The following SRF variants were observed in gnomAD, a reference collection of about 807,000 sequenced individuals.
SRF encodes the protein serum response factor.
SRF carries 7 observed loss-of-function variants against 37.1 expected under a neutral mutation model. That is an observed-to-expected ratio of 0.19 (90% CI 0.11 to 0.35). The LOEUF (loss-of-function observed/expected upper bound fraction) is 0.35. SRF is among the 10% of genes least tolerant of loss of function. SRF has a pLI of 1.00. For synonymous variants in SRF, 285 were observed against 310.1 expected (o/e 0.92, Z 0.85); for missense variants, 395 against 694.4 (o/e 0.57, Z 4.85).
intron 2 of SRF, among the ~76,000 whole-genome samples, chr6:43,174,741 G>A (rs1344883000): frequency 2.6e-5 from 4 of 152,190 alleles, no homozygotes; most frequent in African/African-American, 9.7e-5. Flanking sequence ...GGGAGGAAGC[G>A]GCACTGTTTG....
Position 43,171,392 on chromosome 6 carries a change from C to T in SRF, c.-265C>T, listed in dbSNP as rs1772091382. On this transcript the variant is annotated 5_prime_UTR_variant, in exon 1 of 7. Transcript: ENST00000265354. This position sits in a 1 kb window ranked among gnomAD's most constrained non-coding sequence, Gnocchi z 6.5. ...AGCAGCCCCTGCCCCCCGGGGGACG[C>T]TGACGGCCGCCCGGCGCGCCGCCCT... 8.6e-6 allele frequency: 2 copies of T among 233,470 alleles called. No homozygotes were observed. Among genetic ancestry groups the T allele is most frequent in the East Asian group, 9.4e-5 (1 of 10,636 alleles). The allele number at this position is 233,470 out of a possible 1,614,324, so 14.5% of individuals were successfully genotyped here.
In SRF at chr6:43,173,758, A is replaced by G. The variant is rs1772148754; in HGVS notation, c.514-89A>G. 2.0e-6 allele frequency: 3 copies of G among 1,498,914 alleles called. No individual in the cohort carries two copies. Among genetic ancestry groups the G allele is most frequent in the Admixed American group, 2.0e-5 (1 of 51,224 alleles). 92.9% of individuals were successfully genotyped at this position (1,498,914 alleles called of 1,614,324 possible). ...AGGTCATTATGGGAATGGGGGAATG[A>G]CATCACTGTATAATTCTTTTTCCAA... On this transcript the variant is annotated intron_variant, in intron 1 of 6. Transcript: ENST00000265354. This position sits in a 1 kb window ranked among gnomAD's most constrained non-coding sequence, Gnocchi z 4.2.
In SRF at chr6:43,180,726, AG is replaced by A. The variant is rs1161250990; in HGVS notation, c.*1537del. ...CTATATCCAGAAGGGGAGCTTTTTC[AG>A]AAACAGGGCAGCAGTGGGGTGAAAT... is the stretch of plus-strand genomic sequence containing the variant. On this transcript the variant is annotated 3_prime_UTR_variant, in exon 7 of 7. Coordinates refer to ENST00000265354, the MANE Select transcript of SRF (RefSeq NM_003131.4). 1 of 152,494 alleles carries A rather than the reference AG, an allele frequency of 6.6e-6. No homozygotes were observed. The highest frequency in any genetic ancestry group is 2.4e-5 in the African/African-American group (1 of 41,440). 9.4% of individuals were successfully genotyped at this position (152,494 alleles called of 1,614,324 possible).
In SRF at chr6:43,173,015, A is replaced by G. The variant is rs1772137837; in HGVS notation, c.514-832A>G. 1.3e-5 allele frequency among the ~76,000 whole-genome samples: 2 copies of G among 152,198 alleles called. No individual in the cohort carries two copies. Among genetic ancestry groups the G allele is most frequent in the Non-Finnish European group, 1.5e-5 (1 of 68,038 alleles). Reference sequence around the variant, plus strand: ...ATGAAAGCAGAGGAACTGGGAGACAAGGAGCTGGATCCTTGGGAACACTGG... The same window carrying G: ...ATGAAAGCAGAGGAACTGGGAGACAGGGAGCTGGATCCTTGGGAACACTGG... On this transcript the variant is annotated intron_variant, in intron 1 of 6. Coordinates refer to ENST00000265354, the MANE Select transcript of SRF (RefSeq NM_003131.4). This position sits in a 1 kb window ranked among gnomAD's most constrained non-coding sequence, Gnocchi z 4.2.
In SRF at chr6:43,178,534, T is replaced by TACACAC. The variant is rs112596376; in HGVS notation, c.1354+63_1354+68dup. 4.1e-3 allele frequency: 6,217 copies of TACACAC among 1,506,888 alleles called. 149 individuals are homozygous for TACACAC. In the African/African-American group the frequency reaches 0.073, roughly 18 times the overall value. 93.3% of individuals were successfully genotyped at this position (1,506,888 alleles called of 1,614,324 possible). ...GAAAGGAGGACCGTTTCCTTCTTTA[T>TACACAC]ACACACACACACACACACATACACA... On this transcript the variant is annotated intron_variant, in intron 5 of 6. Coordinates refer to ENST00000265354, the MANE Select transcript of SRF (RefSeq NM_003131.4). This position sits in a 1 kb window ranked among gnomAD's most constrained non-coding sequence, Gnocchi z 4.3.
In SRF at chr6:43,179,422, C is replaced by T. The variant is rs1020316462; in HGVS notation, c.*232C>T. The T allele has an allele frequency of 1.8e-6, 1 of 570,298 alleles. No individual in the cohort carries two copies. Among genetic ancestry groups the T allele is most frequent in the Non-Finnish European group, 3.2e-6 (1 of 317,336 alleles). 35.3% of individuals were successfully genotyped at this position (570,298 alleles called of 1,614,324 possible). The stretch of plus-strand genomic sequence containing the variant: ...CCCGCCCCACCTCCCATTTCTGTTG[C>T]TGGAGGGGCTGTCCTCCTTCCTGGG... On this transcript the variant is annotated 3_prime_UTR_variant, in exon 7 of 7. Transcript: ENST00000265354. The surrounding 1 kb of genome is among the most constrained non-coding windows in gnomAD (Gnocchi z 5.3).
rs970428621 is a variant in SRF at position 43,171,297 on chromosome 6, A to C, written c.-360A>C. 1 of 160,674 alleles carries C rather than the reference A, an allele frequency of 6.2e-6. No individual in the cohort carries two copies. The highest frequency in any genetic ancestry group is 1.4e-5 in the Non-Finnish European group (1 of 73,606). The allele number at this position is 160,674 out of a possible 1,614,324, so 10.0% of individuals were successfully genotyped here. On this transcript the variant is annotated 5_prime_UTR_variant, in exon 1 of 7. Transcript: ENST00000265354. This position sits in a 1 kb window ranked among gnomAD's most constrained non-coding sequence, Gnocchi z 6.5. ...CATTGTATCTCTTTATATGGGGGGA[A>C]GGGTCGGGGGATCCCTCCGCCGCCA...
Position 43,172,198 on chromosome 6 carries a change from G to A in SRF, c.513+29G>A, listed in dbSNP as rs780476860. Reference sequence around the variant, plus strand: ...CCAAGCCGGGGGGCTGGCCGGCCCCGGGGCCCGGTTGGGGTGGGGATGTGC... The same window carrying A: ...CCAAGCCGGGGGGCTGGCCGGCCCCAGGGCCCGGTTGGGGTGGGGATGTGC... On this transcript the variant is annotated intron_variant, in intron 1 of 6. Transcript: ENST00000265354. The surrounding 1 kb of genome is among the most constrained non-coding windows in gnomAD (Gnocchi z 5.7). The A allele has an allele frequency of 1.9e-6, 3 of 1,597,356 alleles. No individual in the cohort carries two copies. Among genetic ancestry groups the A allele is most frequent in the Non-Finnish European group, 2.6e-6 (3 of 1,176,028 alleles).
Position 43,172,256 on chromosome 6 carries a change from C to T in SRF, c.513+87C>T. 6.8e-7 allele frequency: 1 copy of T among 1,474,582 alleles called. No homozygotes were observed. The highest frequency in any genetic ancestry group is 2.1e-5 in the Admixed American group (1 of 46,542). The allele number at this position is 1,474,582 out of a possible 1,614,324, so 91.3% of individuals were successfully genotyped here. ...GCCCGGGAGGACCGCAGAGCCGAGG[C>T]GGAGGTGAGAGGCTGCGAGTCCGCA... On this transcript the variant is annotated intron_variant, in intron 1 of 6. Transcript: ENST00000265354. The surrounding 1 kb of genome is among the most constrained non-coding windows in gnomAD (Gnocchi z 5.7).
chr6:43,174,213 A>G, intron 2 of SRF, 100 bp downstream of exon 2: 1 of 1,458,364 alleles, frequency 6.9e-7, no homozygotes, highest in Non-Finnish European at 9.3e-7. Context: ...TGTGGAGTGG[A>G]GCCGGATTAA....
chr6:43,181,498 G>A lies in SRF; in HGVS notation c.*2308G>A, dbSNP rs1308385083. Reference sequence around the variant, plus strand: ...CTCTTTCAATAAATGTATCATTTTTGTGCACAGACTGTGGGGTCTTTGGTT... The same window carrying A: ...CTCTTTCAATAAATGTATCATTTTTATGCACAGACTGTGGGGTCTTTGGTT... On this transcript the variant is annotated 3_prime_UTR_variant, in exon 7 of 7. Transcript: ENST00000265354. 1 of 152,430 alleles carries A rather than the reference G, an allele frequency of 6.6e-6. No individual in the cohort carries two copies. Among genetic ancestry groups the A allele is most frequent in the African/African-American group, 2.4e-5 (1 of 41,368 alleles). 9.4% of individuals were successfully genotyped at this position (152,430 alleles called of 1,614,324 possible).
rs753225736 is a variant in SRF, at chr6:43,175,720, G to A, written c.795G>A (p.Pro265=). The change falls in exon 3 of 7, where the codon CCG becomes CCA. Residue 265 remains proline (P), a synonymous_variant. Coordinates refer to ENST00000265354, the MANE Select transcript of SRF (RefSeq NM_003131.4). ...TCTGGGTATAGGACACACTGAAGCC[G>A]GCGTTCACAGTCACCAACCTGCCGG... The part of the protein sequence containing the change: ...SSGETKDTLK[P]AFTVTNLPGT... 17 of 1,614,012 alleles carry A rather than the reference G, an allele frequency of 1.1e-5. No individual in the cohort carries two copies. The highest frequency in any genetic ancestry group is 8.0e-5 in the African/African-American group (6 of 74,896).
chr6:43,171,514 C>A lies in SRF; in HGVS notation c.-143C>A, dbSNP rs1057474299. 1.0e-6 allele frequency: 1 copy of A among 972,944 alleles called. No individual in the cohort carries two copies. Among genetic ancestry groups the A allele is most frequent in the African/African-American group, 1.7e-5 (1 of 57,868 alleles). The allele number at this position is 972,944 out of a possible 1,614,324, so 60.3% of individuals were successfully genotyped here. On this transcript the variant is annotated 5_prime_UTR_variant, in exon 1 of 7. Transcript: ENST00000265354. This position sits in a 1 kb window ranked among gnomAD's most constrained non-coding sequence, Gnocchi z 6.5. ...AGGTCGGCCCGGGCGTGCAGGGGCC[C>A]CGGGTTCGCAGCGGCGGCCGCGGCA...
In SRF at chr6:43,172,652, G is replaced by C. The variant is rs941142575; in HGVS notation, c.513+483G>C. Among the ~76,000 whole-genome samples the C allele has an allele frequency of 1.3e-5, 2 of 152,338 alleles. No individual in the cohort carries two copies. The highest frequency in any genetic ancestry group is 4.8e-5 in the African/African-American group (2 of 41,568). ...GTGTGGGAGGAAGTGGGCACCACGA[G>C]AGTAGTGCTGGTTGGAAGGACAGGC... On this transcript the variant is annotated intron_variant, in intron 1 of 6. Transcript: ENST00000265354. This position sits in a 1 kb window ranked among gnomAD's most constrained non-coding sequence, Gnocchi z 5.7.
intron 2 of SRF, among the ~76,000 whole-genome samples, chr6:43,174,832 T>A (rs1426577302): frequency 6.6e-6 from 1 of 152,208 alleles, no homozygotes; most frequent in Non-Finnish European, 1.5e-5. Context: ...CCCGCAGCCT[T>A]TGAGCCTCTG....
chr6:43,175,989 G>A, intron 3 of SRF, 22 bp downstream of exon 3: 1 of 1,604,354 alleles, frequency 6.2e-7, no homozygotes, highest in East Asian at 2.2e-5. Context: ...GGGGCAGGGA[G>A]AGATTCGTCC....
At position 43,175,916 on chromosome 6, in the gene SRF, G is replaced by T. The variant is rs1217932797; in HGVS notation, c.991G>T (p.Val331Phe). Residue 331 changes from valine (V) to phenylalanine (F), a missense_variant, in exon 3 of 7, where the codon GTC (valine) becomes TTC (phenylalanine). Physicochemically the swap from Val to Phe is conservative, Grantham distance 50 (BLOSUM62 -1). Around this residue, in one of 4 missense-constraint regions of SRF, gnomAD observed 232 missense variants for 335.6 expected, o/e 0.69. Transcript: ENST00000265354. The part of the protein sequence containing the change: ...TVLKSTGSGP[V>F]SSGGLMQLPT... ...GCTGAAGAGTACAGGCAGCGGCCCT[G>T]TCTCCTCTGGGGGCCTTATGCAGCT... The T allele has an allele frequency of 6.2e-7, 1 of 1,613,998 alleles. No individual in the cohort carries two copies. Among genetic ancestry groups the T allele is most frequent in the Non-Finnish European group, 8.5e-7 (1 of 1,180,038 alleles).
rs544658252 is a variant in SRF at position 43,177,228 on chromosome 6, G to GTTTTTTTTTTTTTTTT, written c.1162+563_1162+578dup. 1.7e-3 allele frequency among the ~76,000 whole-genome samples: 193 copies of GTTTTTTTTTTTTTTTT among 116,788 alleles called. 20 individuals are homozygous for GTTTTTTTTTTTTTTTT. The highest frequency in any genetic ancestry group is 4.1e-3 in the East Asian group (15 of 3,702). 76.6% of individuals were successfully genotyped at this position (116,788 alleles called of 152,430 possible). A position where few individuals can be genotyped will look rare whatever the true frequency, so the allele number is the denominator to read the frequency against. On this transcript the variant is annotated intron_variant, in intron 4 of 6. Coordinates refer to ENST00000265354, the MANE Select transcript of SRF (RefSeq NM_003131.4). Reference sequence around the variant, plus strand: ...CCCCAAACCTAGTGAATCGGAGTCTGTTTTTTTTTTTTTTTTTGAGACGGA... The same window carrying GTTTTTTTTTTTTTTTT: ...CCCCAAACCTAGTGAATCGGAGTCTGTTTTTTTTTTTTTTTTTTTTTTTTTTTTTTTTTGAGACGGA...
In SRF at chr6:43,178,355, G is replaced by A; in HGVS notation, c.1224G>A (p.Met408Ile). ...SVPTTVGGHM[M>I]YPSPHAVMYA... is the part of the protein sequence containing the mutation. Reference sequence around the variant, plus strand: ...CCACAACTGTGGGTGGCCACATGATGTACCCTAGCCCGCATGCGGTGATGT... The same window carrying A: ...CCACAACTGTGGGTGGCCACATGATATACCCTAGCCCGCATGCGGTGATGT... Residue 408 changes from methionine to isoleucine, a missense_variant, in exon 5 of 7, where the codon ATG becomes ATA. Physicochemically the swap from Met to Ile is conservative, Grantham distance 10. This residue lies in a region of SRF where 232 missense variants were observed against 335.6 expected (regional missense o/e 0.69). Coordinates refer to ENST00000265354, the MANE Select transcript of SRF (RefSeq NM_003131.4). This position sits in a 1 kb window ranked among gnomAD's most constrained non-coding sequence, Gnocchi z 4.3. 1 of 1,613,774 alleles carries A rather than the reference G, an allele frequency of 6.2e-7. No individual in the cohort carries two copies. The highest frequency in any genetic ancestry group is 8.5e-7 in the Non-Finnish European group (1 of 1,179,852).
Sources: allele counts gnomAD v4.1 joint callset (sites outside exome capture counted in the v4.1 genomes callset), GRCh38; gene constraint gnomAD v4.1.1; regional missense constraint gnomAD v4.1.1; non-coding constraint Gnocchi (gnomAD v3.1); transcripts MANE v1.5; gene names NCBI Gene and HGNC (gene_info 2026-07-23, HGNC 2026-07-21).